PCDHGA10: variants seen among roughly 807,000 people sequenced by gnomAD.
PCDHGA10 encodes protocadherin gamma subfamily A, 10.
PCDHGA10 carries 42 observed loss-of-function variants against 59.5 expected under a neutral mutation model. The ratio of observed to expected loss-of-function variants is 0.71; its 90% CI spans 0.55 to 0.91. The LOEUF (loss-of-function observed/expected upper bound fraction) is 0.91. Ranked by LOEUF, PCDHGA10 falls within the 40% of genes least tolerant of loss-of-function variation. The pLI, the probability that PCDHGA10 is intolerant of heterozygous loss-of-function variation, is 0.00. For missense variants in PCDHGA10, 1,111 were observed against 1,198.2 expected, an observed-to-expected ratio of 0.93 and a Z score of 1.07; for synonymous variants, 511 against 517.2, an observed-to-expected ratio of 0.99 and a Z score of 0.16.
chr5:141,484,123 T>C (rs2099592351), intron 1 of PCDHGA10, among the ~76,000 whole-genome samples: 1 of 152,174 alleles, frequency 6.6e-6, no homozygotes, highest in South Asian at 2.1e-4. Flanking sequence ...AAGAATACCT[T>C]GGTGTCAGAT....
At chr5:141,510,900 G>A in intron 3 of PCDHGA10, 47 bp from the exon 4 acceptor site, 6 of 1,613,378 alleles carry the variant, frequency 3.7e-6, no homozygotes, top group Non-Finnish European at 5.1e-6. Context: ...AGTGACTGTT[G>A]AGGACCCTAA....
chr5:141,511,276 T>A lies in PCDHGA10; in HGVS notation c.*103T>A. ...AGAGTTTCAGGGCTAACCCCCAGAA[T>A]ACTGGTAGGGGCCAAGGCCATGCTC... On this transcript the variant is annotated 3_prime_UTR_variant, in exon 4 of 4. Coordinates refer to ENST00000398610, the MANE Select transcript of PCDHGA10 (RefSeq NM_018913.3). 6.5e-7 allele frequency: 1 copy of A among 1,538,086 alleles called. No homozygotes were observed. Among genetic ancestry groups the A allele is most frequent in the Non-Finnish European group, 8.8e-7 (1 of 1,140,722 alleles).
At chr5:141,446,669 C>T (rs554578186) in intron 1 of PCDHGA10, among the ~76,000 whole-genome samples, 2 of 152,182 alleles carry the variant, frequency 1.3e-5, no homozygotes, top group Admixed American at 1.3e-4. Flanking sequence ...TACAAGACAG[C>T]ATTTCACCAT....
At chr5:141,469,142 G>A (rs1473440049) in intron 1 of PCDHGA10, among the ~76,000 whole-genome samples, 3 of 152,024 alleles carry the variant, frequency 2.0e-5, no homozygotes, top group East Asian at 1.9e-4. Flanking sequence ...CAGAAATGGT[G>A]GCACATGTCT....
chr5:141,414,413 C>T lies in PCDHGA10; in HGVS notation c.1238C>T (p.Ala413Val). 6.2e-7 allele frequency: 1 copy of T among 1,613,830 alleles called. No homozygotes were observed. ...TATTACAGATTGGTGATACACAGAG[C>T]CCTTGACAGGGAACAGGTATCCTCT... ...DSYYRLVIHR[A>V]LDREQVSSYN... is the part of the protein sequence containing the mutation. Residue 413 changes from alanine (A) to valine (V), a missense_variant, in exon 1 of 4, where the codon GCC becomes GTC. Ala to Val is a moderately conservative substitution (Grantham distance 64). Transcript: ENST00000398610.
rs757755103 is a variant in PCDHGA10 at position 141,432,638 on chromosome 5, C to T, written c.2436+17027C>T. 1.2e-6 allele frequency: 2 copies of T among 1,613,810 alleles called. No homozygotes were observed. Among genetic ancestry groups the T allele is most frequent in the Non-Finnish European group, 8.5e-7 (1 of 1,179,930 alleles). ...GGTGGGTCTGCACACGGGCGAGGTG[C>T]GCACGGCGCGAGCCCTGCTGGACAG... is the stretch of plus-strand genomic sequence containing the variant. On this transcript the variant is annotated intron_variant, in intron 1 of 3. Transcript: ENST00000398610. The surrounding 1 kb of genome is among the most constrained non-coding windows in gnomAD (Gnocchi z 6.0).
chr5:141,456,353 G>A (rs1041991824), intron 1 of PCDHGA10, among the ~76,000 whole-genome samples: 2 of 152,120 alleles, frequency 1.3e-5, no homozygotes, highest in South Asian at 2.1e-4. Context: ...GAAGAATGGC[G>A]TCCATGTGTG....
intron 2 of PCDHGA10, among the ~76,000 whole-genome samples, chr5:141,501,306 C>T (rs1016823458): frequency 5.3e-5 from 8 of 151,412 alleles, no homozygotes; most frequent in Non-Finnish European, 8.8e-5. Context: ...CACACACACA[C>T]ACACACACAC....
At chr5:141,420,088 C>T in intron 1 of PCDHGA10, 5 of 1,614,002 alleles carry the variant, frequency 3.1e-6, no homozygotes, top group Non-Finnish European at 4.2e-6. Context: ...CCCCCAACTA[C>T]AGTGAGGGAA....
Position 141,511,126 on chromosome 5 carries a change from G to A in PCDHGA10, c.2764G>A (p.Gly922Ser). The A allele has an allele frequency of 1.9e-6, 3 of 1,614,212 alleles. No individual in the cohort carries two copies. The highest frequency in any genetic ancestry group is 2.2e-5 in the South Asian group (2 of 91,086). The change falls in exon 4 of 4, where the codon GGT becomes AGT. Residue 922 changes from glycine to serine, a missense_variant. Coordinates refer to ENST00000398610, the MANE Select transcript of PCDHGA10 (RefSeq NM_018913.3). ...AGKRDGKAPA[G>S]GNGNKKKSGK... ...CAAGCGGGATGGCAAGGCCCCAGCA[G>A]GTGGCAATGGCAACAAGAAGAAGTC...
chr5:141,438,072 A>C (rs761630845), intron 1 of PCDHGA10, among the ~76,000 whole-genome samples: 1 of 152,158 alleles, frequency 6.6e-6, no homozygotes, highest in Non-Finnish European at 1.5e-5. Flanking sequence ...AACCATACTT[A>C]ATGGAAAATT....
chr5:141,477,162 C>A lies in PCDHGA10; in HGVS notation c.2437-17645C>A, dbSNP rs147392557. ...GAGGTTGTGGATGTGAATGACAACG[C>A]CCCGGAGATCACAGTCACCTCCGTG... On this transcript the variant is annotated intron_variant, in intron 1 of 3. Transcript: ENST00000398610. This position sits in a 1 kb window ranked among gnomAD's most constrained non-coding sequence, Gnocchi z 4.9. 3.5e-5 allele frequency: 57 copies of A among 1,614,162 alleles called. No homozygotes were observed. The Middle Eastern group carries it at 9.9e-4, about 28-fold the overall frequency.
intron 1 of PCDHGA10, among the ~76,000 whole-genome samples, chr5:141,470,845 G>T (rs1381257094): frequency 1.3e-5 from 2 of 151,972 alleles, no homozygotes; most frequent in African/African-American, 4.8e-5. Flanking sequence ...ACGCCACCAT[G>T]CTCAGATAAG....
intron 1 of PCDHGA10, among the ~76,000 whole-genome samples, chr5:141,465,368 A>C (rs940928815): frequency 1.3e-5 from 2 of 152,114 alleles, no homozygotes; most frequent in Admixed American, 6.6e-5. Flanking sequence ...TGCCCTTTAA[A>C]GTTGTAAGAT....
At position 141,491,039 on chromosome 5, in the gene PCDHGA10, G is replaced by T; in HGVS notation, c.2437-3768G>T. 1 of 1,614,180 alleles carries T rather than the reference G, an allele frequency of 6.2e-7. No individual in the cohort carries two copies. The highest frequency in any genetic ancestry group is 1.1e-5 in the South Asian group (1 of 91,090). ...GTGACAGCCGTGGATGCTGATGCAGGCCACAATGCGTGGCTCTCCTACTCA... is the reference window on the plus strand; with the variant it reads ...GTGACAGCCGTGGATGCTGATGCAGTCCACAATGCGTGGCTCTCCTACTCA... On this transcript the variant is annotated intron_variant, in intron 1 of 3. Transcript: ENST00000398610. The surrounding 1 kb of genome is among the most constrained non-coding windows in gnomAD (Gnocchi z 6.9).
chr5:141,415,024 G>C lies in PCDHGA10; in HGVS notation c.1849G>C (p.Glu617Gln). 1 of 1,613,568 alleles carries C rather than the reference G, an allele frequency of 6.2e-7. No homozygotes were observed. The highest frequency in any genetic ancestry group is 8.5e-7 in the Non-Finnish European group (1 of 1,180,000). The part of the protein sequence containing the change: ...WLSYRLLKAS[E>Q]PGLFAVGEHT... ...GTCCTACCGTCTGCTCAAGGCCAGC[G>C]AGCCGGGACTCTTCGCGGTGGGGGA... Residue 617 changes from glutamate (E) to glutamine (Q), a missense_variant, in exon 1 of 4, where the codon GAG becomes CAG. Coordinates refer to ENST00000398610, the MANE Select transcript of PCDHGA10 (RefSeq NM_018913.3).
chr5:141,415,045 G>C lies in PCDHGA10; in HGVS notation c.1870G>C (p.Gly624Arg). ...KASEPGLFAVGEHTGEVRTAR... is the reference protein window; with the variant it reads ...KASEPGLFAVREHTGEVRTAR... ...CAGCGAGCCGGGACTCTTCGCGGTGGGGGAGCACACGGGCGAGGTGCGCAC... is the reference window on the plus strand; with the variant it reads ...CAGCGAGCCGGGACTCTTCGCGGTGCGGGAGCACACGGGCGAGGTGCGCAC... Residue 624 changes from glycine (G) to arginine (R), a missense_variant, in exon 1 of 4, where the codon GGG becomes CGG. Transcript: ENST00000398610. The C allele has an allele frequency of 6.2e-7, 1 of 1,613,538 alleles. No individual in the cohort carries two copies. Among genetic ancestry groups the C allele is most frequent in the Non-Finnish European group, 8.5e-7 (1 of 1,179,962 alleles).
chr5:141,477,779 A>C lies in PCDHGA10; in HGVS notation c.2437-17028A>C. ...CCTAGCCACCAACATCAGCGTGAAC[A>C]TATTTGTCACTGATCGCAATGACAA... is the stretch of plus-strand genomic sequence containing the variant. On this transcript the variant is annotated intron_variant, in intron 1 of 3. Transcript: ENST00000398610. The surrounding 1 kb of genome is among the most constrained non-coding windows in gnomAD (Gnocchi z 4.9). 1.2e-6 allele frequency: 2 copies of C among 1,614,012 alleles called. No individual in the cohort carries two copies. Among genetic ancestry groups the C allele is most frequent in the Non-Finnish European group, 1.7e-6 (2 of 1,180,020 alleles).
rs1008251304 is a variant in PCDHGA10, at chr5:141,413,731, G to A, written c.556G>A (p.Val186Ile). 1 of 1,613,454 alleles carries A rather than the reference G, an allele frequency of 6.2e-7. No homozygotes were observed. The highest frequency in any genetic ancestry group is 1.1e-5 in the South Asian group (1 of 91,070). ...LSPNKHFSLR[V>I]QSRANGVKYP... is the part of the protein sequence containing the mutation. ...CCCCAATAAGCACTTCTCCCTAAGA[G>A]TTCAGAGCCGTGCCAATGGCGTCAA... Residue 186 changes from valine to isoleucine, a missense_variant, in exon 1 of 4, where the codon GTT becomes ATT. Val to Ile is a conservative substitution (Grantham distance 29). Transcript: ENST00000398610.
Sources: gnomAD v4.1 joint callset for allele counts (sites outside exome capture counted in the v4.1 genomes callset) on GRCh38, gnomAD v4.1.1 for gene constraint, Gnocchi (gnomAD v3.1) non-coding constraint, MANE v1.5 for transcripts, NCBI Gene and HGNC (gene_info 2026-07-23, HGNC 2026-07-21) for gene names.